Variants in DICER1 observed in about 807,000 individuals in gnomAD.
DICER1 encodes endoribonuclease Dicer.
A neutral mutation model predicts 194.1 loss-of-function variants in DICER1; 43 were observed. That is an observed-to-expected ratio of 0.22 (90% confidence interval 0.17 to 0.29). DICER1 has a LOEUF of 0.29. Ranked by LOEUF, DICER1 falls within the 10% of genes least tolerant of loss-of-function variation. The probability of loss-of-function intolerance (pLI) is 1.00; values close to 1 mark genes in which losing one functional copy is unlikely to be tolerated. For synonymous variants in DICER1, 832 were observed against 820.5 expected (o/e 1.01, Z -0.24); for missense variants, 1,608 against 2,317.0 (o/e 0.69, Z 6.28).
At chr14:95,094,254 A>G (rs1374954225) in intron 23 of DICER1, 98 bp from the exon 24 acceptor site, 15 of 1,460,416 alleles carry the variant, frequency 1.0e-5, no homozygotes, top group South Asian at 2.3e-5. Context: ...ATTTGTATTT[A>G]CAATCATTTT....
At chr14:95,132,080 T>C (rs1219203060) in intron 3 of DICER1, among the ~76,000 whole-genome samples, 4 of 152,200 alleles carry the variant, frequency 2.6e-5, no homozygotes, top group African/African-American at 9.6e-5. Flanking sequence ...TCCAAGCATA[T>C]AAAAATCAGT....
chr14:95,111,004 A>G (rs141618217), intron 14 of DICER1, among the ~76,000 whole-genome samples: 28 of 152,298 alleles, frequency 1.8e-4, no homozygotes, highest in African/African-American at 6.3e-4. Context: ...TCACACCACT[A>G]AACTGAATGA....
At chr14:95,131,271 C>T (rs1405080793) in intron 4 of DICER1, among the ~76,000 whole-genome samples, 1 of 152,104 alleles carries the variant, frequency 6.6e-6, no homozygotes, top group Non-Finnish European at 1.5e-5. Flanking sequence ...GTGATCCACC[C>T]ACCTCAGCCT....
In DICER1 at chr14:95,112,226, G is replaced by T. The variant is rs886037684; in HGVS notation, c.2062C>A (p.Arg688=). ...AGAGCTACAACTCTTTCAGCCAATC[G>T]TACACAGCTCATTGGTGGACCCTGA... ...SIVGPPMSCV[R]LAERVVALIC... Residue 688 remains arginine (R), a synonymous_variant, in exon 13 of 27, where the codon CGA becomes AGA. Transcript: ENST00000343455. 1.9e-6 allele frequency: 3 copies of T among 1,613,864 alleles called. No individual in the cohort carries two copies. The East Asian group carries it at 6.7e-5, about 36-fold the overall frequency.
At chr14:95,108,628 C>G (rs1276613344) in intron 14 of DICER1, 125 bp from the exon 15 acceptor site, 1 of 893,830 alleles carries the variant, frequency 1.1e-6, no homozygotes, top group African/African-American at 1.7e-5. Context: ...AAGAAAATAC[C>G]CGAGGCATGA....
chr14:95,105,229 G>A lies in DICER1; in HGVS notation c.3111C>T (p.Leu1037=). The part of the protein sequence containing the change: ...LQNKQILVPE[L]CAIHPIPASL... Reference sequence around the variant, plus strand: ...ATGCTGGAATTGGATGTATAGCACAGAGTTCTGGAACCAGTATCTTCAAGT... The same window carrying A: ...ATGCTGGAATTGGATGTATAGCACAAAGTTCTGGAACCAGTATCTTCAAGT... The change falls in exon 20 of 27, where the codon CTC becomes CTT. Residue 1037 remains leucine (L), a synonymous_variant. Coordinates refer to ENST00000343455, the MANE Select transcript of DICER1 (RefSeq NM_177438.3). This position sits in a 1 kb window ranked among gnomAD's most constrained non-coding sequence, Gnocchi z 4.9. 1 of 1,613,600 alleles carries A rather than the reference G, an allele frequency of 6.2e-7. No homozygotes were observed. The highest frequency in any genetic ancestry group is 8.5e-7 in the Non-Finnish European group (1 of 1,179,916).
chr14:95,092,506 TAAA>T (rs1380795653), intron 24 of DICER1, among the ~76,000 whole-genome samples: 1 of 152,144 alleles, frequency 6.6e-6, no homozygotes, highest in African/African-American at 2.4e-5. Context: ...GCTGATTACT[TAAA>T]AAAACAGACT....
Position 95,088,915 on chromosome 14 carries a change from T to TG in DICER1, c.*1582dup. 4.3e-6 allele frequency: 1 copy of TG among 233,700 alleles called. No homozygotes were observed. Among genetic ancestry groups the TG allele is most frequent in the Non-Finnish European group, 8.5e-6 (1 of 118,050 alleles). 14.5% of individuals were successfully genotyped at this position (233,700 alleles called of 1,614,324 possible). On this transcript the variant is annotated 3_prime_UTR_variant, in exon 27 of 27. Transcript: ENST00000343455. ...TGTGCTGGGAAATATGAGACACCTC[T>TG]GCTCAGCTTTCTTAAACTTCAAGCA...
intron 1 of DICER1, among the ~76,000 whole-genome samples, chr14:95,139,818 C>T (rs1894712684): frequency 6.6e-6 from 1 of 152,156 alleles, no homozygotes; most frequent in African/African-American, 2.4e-5. Flanking sequence ...AACAATTTAA[C>T]CCTTCCAATT....
In DICER1 at chr14:95,129,543, T is replaced by C. The variant is rs1555375817; in HGVS notation, c.663A>G (p.Glu221=). 1.9e-6 allele frequency: 3 copies of C among 1,613,952 alleles called. No homozygotes were observed. The highest frequency in any genetic ancestry group is 2.5e-6 in the Non-Finnish European group (3 of 1,179,900). ...NGKCDPEELE[E]KIQKLEKILK... ...GAATTTTCTCTAGTTTCTGAATCTT[T>C]TCTTCCAATTCCTCTGGATCACATT... The change falls in exon 6 of 27, where the codon GAA becomes GAG. Residue 221 remains glutamate (E), a synonymous_variant. Transcript: ENST00000343455.
intron 17 of DICER1, among the ~76,000 whole-genome samples, chr14:95,106,558 G>C (rs1264606708): frequency 6.6e-6 from 1 of 151,772 alleles, no homozygotes; most frequent in African/African-American, 2.4e-5. Flanking sequence ...TAAATACTTT[G>C]TATATTACTA....
intron 14 of DICER1, 105 bp downstream of exon 14, chr14:95,111,212 C>CT (rs1891922863): frequency 7.3e-7 from 1 of 1,365,548 alleles, no homozygotes; most frequent in Admixed American, 1.7e-5. Context: ...GTGGGCCAAA[C>CT]TGTAAGGGTG....
chr14:95,088,759 G>A lies in DICER1; in HGVS notation c.*1739C>T, dbSNP rs1250227907. ...GGTTCCTTAGAAAGCAGAGCTGACA[G>A]TTTTCTGTCGGTGCACTCGCACAGA... On this transcript the variant is annotated 3_prime_UTR_variant, in exon 27 of 27. Coordinates refer to ENST00000343455, the MANE Select transcript of DICER1 (RefSeq NM_177438.3). 2 of 232,588 alleles carry A rather than the reference G, an allele frequency of 8.6e-6. No homozygotes were observed. Among genetic ancestry groups the A allele is most frequent in the African/African-American group, 4.5e-5 (2 of 44,938 alleles). 14.4% of individuals were successfully genotyped at this position (232,588 alleles called of 1,614,324 possible). A position where few individuals can be genotyped will look rare whatever the true frequency, so the allele number is the denominator to read the frequency against.
At chr14:95,099,731 T>TACAC (rs71838494) in intron 22 of DICER1, 49 bp downstream of exon 22, 1,104 of 1,072,398 alleles carry the variant, frequency 1.0e-3, no homozygotes, top group African/African-American at 2.0e-3. Flanking sequence ...TCCCTCCAGT[T>TACAC]ACACACACAC....
chr14:95,149,130 C>T (rs145422357), intron 1 of DICER1, among the ~76,000 whole-genome samples: 44 of 152,250 alleles, frequency 2.9e-4, no homozygotes, highest in Middle Eastern at 3.4e-3. Context: ...CACGACTACC[C>T]TCTACCTTTA....
chr14:95,152,482 T>C (rs561865318), intron 1 of DICER1, among the ~76,000 whole-genome samples: 1 of 152,352 alleles, frequency 6.6e-6, no homozygotes, highest in East Asian at 1.9e-4. Context: ...GCACCATGTC[T>C]GGTAATGAAC....
intron 5 of DICER1, 68 bp downstream of exon 5, chr14:95,129,990 T>C: frequency 6.6e-7 from 1 of 1,512,728 alleles, no homozygotes; most frequent in Non-Finnish European, 9.1e-7. Flanking sequence ...TTTTGAAATC[T>C]AAAAACAAAA....
At chr14:95,143,997 T>A (rs1894976732) in intron 1 of DICER1, among the ~76,000 whole-genome samples, 1 of 152,136 alleles carries the variant, frequency 6.6e-6, no homozygotes, top group Admixed American at 6.5e-5. Context: ...TGAAAATGAA[T>A]CCACACATAG....
intron 2 of DICER1, among the ~76,000 whole-genome samples, chr14:95,132,889 G>A (rs1894078906): frequency 6.6e-6 from 1 of 152,184 alleles, no homozygotes; most frequent in Non-Finnish European, 1.5e-5. Context: ...GTAAATACGT[G>A]TTGAAATGGC....
Sources: gnomAD v4.1 joint callset for allele counts (sites outside exome capture counted in the v4.1 genomes callset) on GRCh38, gnomAD v4.1.1 for gene constraint, Gnocchi (gnomAD v3.1) non-coding constraint, MANE v1.5 for transcripts, NCBI Gene and HGNC (gene_info 2026-07-23, HGNC 2026-07-21) for gene names.